Variants in LTBP1 observed in about 807,000 individuals in gnomAD.
LTBP1 encodes latent-transforming growth factor beta-binding protein 1.
LTBP1 carries 129 observed loss-of-function variants against 207.6 expected under a neutral mutation model. The ratio of observed to expected loss-of-function variants is 0.62; its 90% confidence interval spans 0.54 to 0.72. The LOEUF (loss-of-function observed/expected upper bound fraction) is 0.72. Among genes scored for constraint, LTBP1 ranks in the 30% least tolerant of loss-of-function variants. The pLI is 0.00. For missense variants in LTBP1, 2,281 were observed against 2,217.2 expected (o/e 1.03, Z -0.58); for synonymous variants, 963 against 833.7 (o/e 1.16, Z -2.67).
intron 31 of LTBP1, among the ~76,000 whole-genome samples, chr2:33,379,251 C>G (rs1440241219): frequency 6.8e-6 from 1 of 148,138 alleles, no homozygotes; most frequent in Admixed American, 6.8e-5. Flanking sequence ...ATTCTGTTGC[C>G]CAGGCTGGAG....
intron 3 of LTBP1, among the ~76,000 whole-genome samples, chr2:33,104,485 T>C (rs1040642510): frequency 5.3e-5 from 8 of 152,222 alleles, no homozygotes; most frequent in African/African-American, 1.9e-4. Flanking sequence ...CCCAGCGGCC[T>C]TTCCTAATTT....
intron 24 of LTBP1, among the ~76,000 whole-genome samples, chr2:33,340,771 C>T (rs1032445750): frequency 6.6e-6 from 1 of 152,092 alleles, no homozygotes; most frequent in Non-Finnish European, 1.5e-5. Context: ...CTTCAAAGCA[C>T]TTTGTACGTG....
chr2:33,359,603 T>A (rs151230710), intron 26 of LTBP1, among the ~76,000 whole-genome samples: 1 of 152,226 alleles, frequency 6.6e-6, no homozygotes, highest in Non-Finnish European at 1.5e-5. Context: ...TGGCAATATT[T>A]CATTAGAATT....
intron 24 of LTBP1, among the ~76,000 whole-genome samples, chr2:33,338,368 T>A (rs1395735350): frequency 2.6e-5 from 4 of 152,184 alleles, no homozygotes; most frequent in Non-Finnish European, 5.9e-5. Context: ...CTGCTATAAT[T>A]GCATAGAATT....
At chr2:33,397,382 T>A in intron 33 of LTBP1, 100 bp downstream of exon 33, 1 of 1,324,500 alleles carries the variant, frequency 7.6e-7, no homozygotes, top group Non-Finnish European at 1.1e-6. Context: ...AGTTTCAGTT[T>A]GAGAAGATGA....
chr2:33,338,550 C>T (rs1376437879), intron 24 of LTBP1, among the ~76,000 whole-genome samples: 2 of 152,050 alleles, frequency 1.3e-5, no homozygotes, highest in South Asian at 2.1e-4. Flanking sequence ...AAGGAGCCCT[C>T]GATAAGCACA....
At position 32,998,728 on chromosome 2, in the gene LTBP1, A is replaced by G. The variant is rs1458513734; in HGVS notation, c.566-22181A>G. 4.6e-5 allele frequency among the ~76,000 whole-genome samples: 7 copies of G among 152,218 alleles called. No homozygotes were observed. In the East Asian group the frequency reaches 9.7e-4, roughly 21 times the overall value. On this transcript the variant is annotated intron_variant, in intron 2 of 33. Transcript: ENST00000404816. ...TCATGACTGAAATTGATGGAGAGTC[A>G]TACAAGAGCTTGCCTCCCCACTCTG...
At chr2:32,998,498 G>GA (rs1487739851) in intron 2 of LTBP1, among the ~76,000 whole-genome samples, 3 of 104,838 alleles carry the variant, frequency 2.9e-5, no homozygotes, top group Non-Finnish European at 5.2e-5. Flanking sequence ...TGGCAACAGA[G>GA]TGAGACTCCA....
In LTBP1 at chr2:32,947,237, G is replaced by A; in HGVS notation, c.-88G>A. 1 of 1,037,752 alleles carries A rather than the reference G, an allele frequency of 9.6e-7. No homozygotes were observed. The highest frequency in any genetic ancestry group is 1.2e-6 in the Non-Finnish European group (1 of 818,496). 64.3% of individuals were successfully genotyped at this position (1,037,752 alleles called of 1,614,324 possible). A position where few individuals can be genotyped will look rare whatever the true frequency, so the allele number is the denominator to read the frequency against. The stretch of plus-strand genomic sequence containing the variant: ...CCCGGGCTCTCGGCAGCTCTCGGGG[G>A]AGCCCGAACGCGCGGGGAAAGGCGA... On this transcript the variant is annotated 5_prime_UTR_variant, in exon 1 of 34. Coordinates refer to ENST00000404816, the MANE Select transcript of LTBP1 (RefSeq NM_206943.4).
chr2:33,364,717 C>T (rs2094963860), intron 30 of LTBP1, among the ~76,000 whole-genome samples: 2 of 152,174 alleles, frequency 1.3e-5, no homozygotes, highest in Non-Finnish European at 2.9e-5. Context: ...GGATAAGGCT[C>T]AGCAGAACAG....
At chr2:33,196,969 G>A (rs1471480651) in intron 7 of LTBP1, among the ~76,000 whole-genome samples, 1 of 152,202 alleles carries the variant, frequency 6.6e-6, no homozygotes, top group Non-Finnish European at 1.5e-5. Context: ...GAATAATGGA[G>A]TTAAAGGTTT....
intron 2 of LTBP1, among the ~76,000 whole-genome samples, chr2:32,977,869 A>C (rs1682071685): frequency 6.6e-6 from 1 of 151,878 alleles, no homozygotes; most frequent in Admixed American, 6.6e-5. Context: ...ATCAGTGTTC[A>C]GTTTGTTTCC....
At chr2:33,251,059 C>T (rs2092669787) in intron 10 of LTBP1, among the ~76,000 whole-genome samples, 1 of 152,150 alleles carries the variant, frequency 6.6e-6, no homozygotes, top group African/African-American at 2.4e-5. Context: ...CCCACTTGGA[C>T]CCACTAACAC....
chr2:33,296,803 G>A (rs1293930004), intron 20 of LTBP1, among the ~76,000 whole-genome samples: 1 of 152,116 alleles, frequency 6.6e-6, no homozygotes, highest in Non-Finnish European at 1.5e-5. Context: ...GCTTGGATAA[G>A]TTACGGTATC....
At chr2:33,064,903 G>A (rs1410077465) in intron 3 of LTBP1, among the ~76,000 whole-genome samples, 1 of 152,112 alleles carries the variant, frequency 6.6e-6, no homozygotes, top group Non-Finnish European at 1.5e-5. Context: ...CTCCCCTTTT[G>A]CTATATTTTA....
chr2:33,205,764 A>G (rs1426872382), intron 7 of LTBP1, among the ~76,000 whole-genome samples: 1 of 152,166 alleles, frequency 6.6e-6, no homozygotes, highest in Non-Finnish European at 1.5e-5. Flanking sequence ...ATGCAGCTAT[A>G]TTTGGAGACA....
At chr2:33,083,025 A>T (rs2078535576) in intron 3 of LTBP1, among the ~76,000 whole-genome samples, 1 of 151,964 alleles carries the variant, frequency 6.6e-6, no homozygotes, top group African/African-American at 2.4e-5. Context: ...CTCCACCACA[A>T]ACCACCCTTC....
At chr2:33,171,483 G>A (rs1257436351) in intron 5 of LTBP1, among the ~76,000 whole-genome samples, 3 of 151,222 alleles carry the variant, frequency 2.0e-5, no homozygotes, top group Admixed American at 6.6e-5. Context: ...AACGAACAAA[G>A]CCTCCAAGAA....
At chr2:33,129,156 A>G (rs1572763835) in intron 4 of LTBP1, among the ~76,000 whole-genome samples, 1 of 152,224 alleles carries the variant, frequency 6.6e-6, no homozygotes, top group East Asian at 1.9e-4. Flanking sequence ...AAAGTGGAGA[A>G]CGAGCAAAAA....
Sources: gnomAD v4.1 joint callset for allele counts (sites outside exome capture counted in the v4.1 genomes callset) on GRCh38, gnomAD v4.1.1 for gene constraint, MANE v1.5 for transcripts, NCBI Gene and HGNC (gene_info 2026-07-23, HGNC 2026-07-21) for gene names.